Variants in PTPRT observed in about 807,000 individuals in gnomAD.
The protein encoded by PTPRT is protein tyrosine phosphatase receptor type T.
PTPRT carries 56 observed loss-of-function variants against 176.8 expected under a neutral mutation model. The ratio of observed to expected loss-of-function variants is 0.32; its 90% CI spans 0.26 to 0.40. PTPRT has a LOEUF of 0.40. PTPRT is among the 10% of genes least tolerant of loss of function. The pLI, the probability that PTPRT is intolerant of heterozygous loss-of-function variation, is 1.00. For missense variants in PTPRT, 1,540 were observed against 1,908.2 expected, an observed-to-expected ratio of 0.81 and a Z score of 3.60; for synonymous variants, 783 against 739.0, an observed-to-expected ratio of 1.06 and a Z score of -0.96.
intron 13 of PTPRT, chr20:42,270,397 C>T (rs1162796558): frequency 6.5e-7 from 1 of 1,549,362 alleles, no homozygotes; most frequent in Admixed American, 2.0e-5. Context: ...TGGTGATCAC[C>T]TGTGGTGAGG....
At position 43,043,071 on chromosome 20, in the gene PTPRT, A is replaced by G. The variant is rs80118866; in HGVS notation, c.88+146575T>C. Among the ~76,000 whole-genome samples, 482 of 152,320 alleles carry G rather than the reference A, an allele frequency of 3.2e-3. 2 individuals are homozygous for G. The highest frequency in any genetic ancestry group is 0.011 in the African/African-American group (447 of 41,574). Reference sequence around the variant, plus strand: ...AACCTGTAAGCACTGGATGAGATAAACACATTGTGCCTCTGGCTTCCAGGA... The same window carrying G: ...AACCTGTAAGCACTGGATGAGATAAGCACATTGTGCCTCTGGCTTCCAGGA... On this transcript the variant is annotated intron_variant, in intron 1 of 30. Coordinates refer to ENST00000373187, the MANE Select transcript of PTPRT (RefSeq NM_007050.6).
In PTPRT at chr20:42,115,242, T is replaced by C. The variant is rs781571231; in HGVS notation, c.3056A>G (p.Glu1019Gly). 3 of 1,614,130 alleles carry C rather than the reference T, an allele frequency of 1.9e-6. No individual in the cohort carries two copies. Among genetic ancestry groups the C allele is most frequent in the Non-Finnish European group, 2.5e-6 (3 of 1,179,990 alleles). ...GDIKVTLIET[E>G]PLAEYVIRTF... ...GCGTATGACGTATTCTGCCAGGGGC[T>C]CTGTTTCAATCAGGGTGACTTTAAT... The change falls in exon 22 of 31, where the codon GAG becomes GGG. Residue 1019 changes from glutamate to glycine, a missense_variant. This residue lies in a region of PTPRT where 248 missense variants were observed against 356.7 expected (regional missense o/e 0.70). Transcript: ENST00000373187.
chr20:42,953,325 T>A (rs1041062449), intron 1 of PTPRT, among the ~76,000 whole-genome samples: 3 of 152,188 alleles, frequency 2.0e-5, no homozygotes, highest in Admixed American at 6.5e-5. Context: ...TGCAGAAGAC[T>A]GAGGCTCAGA....
chr20:43,119,406 T>C (rs1221388810), intron 1 of PTPRT, among the ~76,000 whole-genome samples: 1 of 152,240 alleles, frequency 6.6e-6, no homozygotes, highest in East Asian at 1.9e-4. Flanking sequence ...TTTTCTTCTA[T>C]TGTTCTATTT....
intron 1 of PTPRT, among the ~76,000 whole-genome samples, chr20:42,972,972 T>C (rs1162621097): frequency 6.6e-6 from 1 of 152,054 alleles, no homozygotes; most frequent in Non-Finnish European, 1.5e-5. Context: ...CATTTAAATA[T>C]TCACATGTGG....
At chr20:42,254,370 C>T (rs2056601067) in intron 13 of PTPRT, among the ~76,000 whole-genome samples, 1 of 152,200 alleles carries the variant, frequency 6.6e-6, no homozygotes, top group Non-Finnish European at 1.5e-5. Flanking sequence ...TACCCCAGAC[C>T]TACTAACTCA....
intron 7 of PTPRT, among the ~76,000 whole-genome samples, chr20:42,508,424 C>G (rs2071889103): frequency 6.6e-6 from 1 of 152,012 alleles, no homozygotes; most frequent in African/African-American, 2.4e-5. Context: ...TAGGAACTCT[C>G]CAAGCTGAAT....
intron 8 of PTPRT, among the ~76,000 whole-genome samples, chr20:42,456,099 G>C (rs1043917585): frequency 1.3e-5 from 2 of 151,888 alleles, no homozygotes; most frequent in African/African-American, 4.8e-5. Flanking sequence ...GTGTTTTATA[G>C]ATTTATACGT....
At chr20:42,115,123 T>C (rs375071289) in intron 22 of PTPRT, 76 bp downstream of exon 22, 36 of 1,084,336 alleles carry the variant, frequency 3.3e-5, no homozygotes, top group East Asian at 2.1e-4. Context: ...AGACCCTCAG[T>C]TACCACATGT....
chr20:43,032,525 G>A (rs199921589), intron 1 of PTPRT, among the ~76,000 whole-genome samples: 7 of 142,900 alleles, frequency 4.9e-5, no homozygotes, highest in East Asian at 4.0e-4. Flanking sequence ...TCTGAGGGGG[G>A]AAATATATAT....
At chr20:42,635,048 C>G (rs549622273) in intron 7 of PTPRT, among the ~76,000 whole-genome samples, 3 of 152,124 alleles carry the variant, frequency 2.0e-5, no homozygotes, top group Middle Eastern at 3.4e-3. Flanking sequence ...AGTCAATTAC[C>G]TTTAATCTTG....
intron 7 of PTPRT, among the ~76,000 whole-genome samples, chr20:42,472,920 A>G (rs1043964646): frequency 1.3e-5 from 2 of 152,156 alleles, no homozygotes; most frequent in South Asian, 4.1e-4. Flanking sequence ...CGCTTCTGGG[A>G]TACGCTTATT....
Position 42,409,469 on chromosome 20 carries a change from G to A in PTPRT, c.1560+38751C>T, listed in dbSNP as rs1205784684. ...TGTACTCCAGCCTGGGCAACAGAAC[G>A]AGACTCTGTCGCAAAAAAAAAAAAA... is the stretch of plus-strand genomic sequence containing the variant. On this transcript the variant is annotated intron_variant, in intron 9 of 30. Transcript: ENST00000373187. 3.8e-5 allele frequency among the ~76,000 whole-genome samples: 4 copies of A among 105,466 alleles called. No homozygotes were observed. The South Asian group carries it at 1.0e-3, about 27-fold the overall frequency. 69.2% of individuals were successfully genotyped at this position (105,466 alleles called of 152,430 possible). A position where few individuals can be genotyped will look rare whatever the true frequency, so the allele number is the denominator to read the frequency against.
At chr20:42,860,513 T>A (rs951538340) in intron 2 of PTPRT, among the ~76,000 whole-genome samples, 32 of 152,224 alleles carry the variant, frequency 2.1e-4, no homozygotes, top group Non-Finnish European at 4.4e-5. Flanking sequence ...AGCCTTCCCA[T>A]CCAGAAATGA....
At chr20:42,221,122 G>T (rs140699539) in intron 15 of PTPRT, among the ~76,000 whole-genome samples, 124 of 152,212 alleles carry the variant, frequency 8.1e-4, no homozygotes, top group Non-Finnish European at 9.6e-4. Flanking sequence ...TCCTACCTCA[G>T]CCTCCCGAGT....
chr20:42,231,329 T>C (rs1568691904), intron 15 of PTPRT, among the ~76,000 whole-genome samples: 1 of 152,206 alleles, frequency 6.6e-6, no homozygotes, highest in East Asian at 1.9e-4. Context: ...TTGTGGGCCA[T>C]GTGGTCCTGA....
rs749713787 is a variant in PTPRT at position 42,914,297 on chromosome 20, T to A, written c.89-28365A>T. Among the ~76,000 whole-genome samples the A allele has an allele frequency of 8.9e-4, 135 of 152,320 alleles. 1 individual carries two copies. The highest frequency in any genetic ancestry group is 9.1e-4 in the Non-Finnish European group (62 of 68,024). On this transcript the variant is annotated intron_variant, in intron 1 of 30. Transcript: ENST00000373187. ...CTCATGTCAGGTTTTTATATTTTGGTCATGTTGGTTCATGTCAAGGAAGGT... is the reference window on the plus strand; with the variant it reads ...CTCATGTCAGGTTTTTATATTTTGGACATGTTGGTTCATGTCAAGGAAGGT...
intron 1 of PTPRT, among the ~76,000 whole-genome samples, chr20:43,093,610 A>G (rs1447874745): frequency 1.3e-5 from 2 of 152,174 alleles, no homozygotes; most frequent in African/African-American, 4.8e-5. Flanking sequence ...CATCCCTCTG[A>G]TCTATTTTCC....
intron 1 of PTPRT, among the ~76,000 whole-genome samples, chr20:43,002,159 C>T (rs1984608119): frequency 6.6e-6 from 1 of 152,184 alleles, no homozygotes; most frequent in Non-Finnish European, 1.5e-5. Flanking sequence ...TGCCTGCTTT[C>T]TCTTCTGCCA....
Sources: allele counts gnomAD v4.1 joint callset (sites outside exome capture counted in the v4.1 genomes callset), GRCh38; gene constraint gnomAD v4.1.1; regional missense constraint gnomAD v4.1.1; transcripts MANE v1.5; gene names NCBI Gene and HGNC (gene_info 2026-07-23, HGNC 2026-07-21).